Variants in DCDC1 observed in about 807,000 individuals in gnomAD.
DCDC1 encodes doublecortin domain containing 1.
DCDC1 carries 200 observed loss-of-function variants against 178.3 expected under a neutral mutation model. The observed-to-expected ratio is 1.12, with a 90% confidence interval of 1.00 to 1.26. The LOEUF is 1.26. DCDC1 is among the 50% of genes most tolerant of loss of function. The probability of loss-of-function intolerance (pLI) is 0.00; values close to 1 mark genes in which losing one functional copy is unlikely to be tolerated. For missense variants in DCDC1, 1,983 were observed against 1,749.2 expected (o/e 1.13, Z -2.38); for synonymous variants, 690 against 604.8 (o/e 1.14, Z -2.07).
At chr11:31,188,850 A>G (rs1006808819) in intron 9 of DCDC1, among the ~76,000 whole-genome samples, 4 of 152,180 alleles carry the variant, frequency 2.6e-5, no homozygotes, top group Admixed American at 2.0e-4. Context: ...ATATGTTGAA[A>G]CCTAAATCCT....
intron 9 of DCDC1, among the ~76,000 whole-genome samples, chr11:31,141,687 A>G (rs1332845955): frequency 6.6e-6 from 1 of 152,202 alleles, no homozygotes; most frequent in African/African-American, 2.4e-5. Context: ...AAGTTTCCCA[A>G]TGGTCTGCTA....
chr11:31,044,613 A>C (rs767402155), intron 20 of DCDC1, among the ~76,000 whole-genome samples: 8 of 152,158 alleles, frequency 5.3e-5, no homozygotes, highest in Non-Finnish European at 1.0e-4. Flanking sequence ...AGCCAGCCAA[A>C]AAAAAGGGGA....
chr11:31,262,969 A>G (rs1464127643), intron 8 of DCDC1: 1 of 1,484,000 alleles, frequency 6.7e-7, no homozygotes, highest in African/African-American at 1.4e-5. Context: ...CAAGGCATGC[A>G]TTAAAATGTG....
intron 10 of DCDC1, among the ~76,000 whole-genome samples, chr11:31,135,494 T>TA (rs1210505979): frequency 6.6e-6 from 1 of 152,202 alleles, no homozygotes; most frequent in Non-Finnish European, 1.5e-5. Flanking sequence ...AGGACTTTTC[T>TA]AAAAAGAGTC....
At chr11:30,903,301 T>C (rs1210644157) in intron 32 of DCDC1, among the ~76,000 whole-genome samples, 181 bp downstream of exon 32, 2 of 152,216 alleles carry the variant, frequency 1.3e-5, no homozygotes, top group Non-Finnish European at 2.9e-5. Flanking sequence ...ATTTTTAACT[T>C]TTCTTATAAT....
chr11:31,212,033 A>C (rs2136538095), intron 9 of DCDC1, among the ~76,000 whole-genome samples: 1 of 151,666 alleles, frequency 6.6e-6, no homozygotes, highest in South Asian at 2.1e-4. Flanking sequence ...CAGTGAGCCA[A>C]GATCGCGCCA....
intron 20 of DCDC1, among the ~76,000 whole-genome samples, chr11:31,029,981 T>C (rs1356027548): frequency 6.6e-6 from 1 of 152,120 alleles, no homozygotes; most frequent in African/African-American, 2.4e-5. Context: ...ATTTTCATAA[T>C]ATACACAGTT....
chr11:30,983,769 A>G (rs553669417), intron 20 of DCDC1, among the ~76,000 whole-genome samples: 23 of 152,164 alleles, frequency 1.5e-4, no homozygotes, highest in Non-Finnish European at 3.2e-4. Flanking sequence ...TTTTGTGTAC[A>G]TTACTCAGTT....
chr11:30,871,141 TA>T (rs1381480239), intron 38 of DCDC1, among the ~76,000 whole-genome samples: 1 of 151,890 alleles, frequency 6.6e-6, no homozygotes, highest in African/African-American at 2.4e-5. Flanking sequence ...GAAGCCAAAA[TA>T]AATATAAAGA....
chr11:31,036,168 G>T (rs955588488), intron 20 of DCDC1, among the ~76,000 whole-genome samples: 2 of 152,124 alleles, frequency 1.3e-5, no homozygotes, highest in African/African-American at 4.8e-5. Context: ...CTTCAAGACT[G>T]ATCTTGTATC....
intron 18 of DCDC1, among the ~76,000 whole-genome samples, chr11:31,071,372 AT>A (rs1403792494): frequency 6.6e-6 from 1 of 152,194 alleles, no homozygotes; most frequent in Non-Finnish European, 1.5e-5. Flanking sequence ...CAAACTATTG[AT>A]TAATTTCTTG....
intron 12 of DCDC1, 24 bp from the exon 13 acceptor site, chr11:31,106,984 A>G: frequency 1.3e-6 from 1 of 743,166 alleles, no homozygotes; most frequent in Non-Finnish European, 2.4e-6. Flanking sequence ...AGAGGGGCAG[A>G]GGGGATAGAG....
intron 20 of DCDC1, among the ~76,000 whole-genome samples, chr11:30,990,631 T>G (rs576099106): frequency 6.6e-6 from 1 of 152,334 alleles, no homozygotes; most frequent in African/African-American, 2.4e-5. Context: ...TGCAGCTATT[T>G]GTTAGGTGAC....
At chr11:30,929,223 C>T (rs1946776107) in intron 22 of DCDC1, among the ~76,000 whole-genome samples, 1 of 152,050 alleles carries the variant, frequency 6.6e-6, no homozygotes, top group African/African-American at 2.4e-5. Context: ...TTCATCAGAA[C>T]ACAATGATCT....
At chr11:31,053,290 G>T (rs1259875956) in intron 20 of DCDC1, among the ~76,000 whole-genome samples, 1 of 152,038 alleles carries the variant, frequency 6.6e-6, no homozygotes, top group East Asian at 1.9e-4. Flanking sequence ...GCTAGAATTA[G>T]ATACCCTGAA....
intron 6 of DCDC1, among the ~76,000 whole-genome samples, chr11:31,295,137 C>T (rs1438520392): frequency 3.3e-5 from 5 of 152,178 alleles, no homozygotes; most frequent in Non-Finnish European, 7.3e-5. Context: ...CTACACACAT[C>T]CCCCTGTGTA....
At chr11:31,294,796 GAAAAAGAAAGAAAGAA>G (rs1369130561) in intron 6 of DCDC1, among the ~76,000 whole-genome samples, 29 of 118,486 alleles carry the variant, frequency 2.4e-4, no homozygotes, top group Non-Finnish European at 3.3e-4. Context: ...GAAAAATAAA[GAAAAAGAAAGAAAGAA>G]AGAAAGAAAG....
chr11:31,157,396 T>TAC (rs796603579), intron 9 of DCDC1, among the ~76,000 whole-genome samples: 22 of 141,002 alleles, frequency 1.6e-4, no homozygotes, highest in East Asian at 6.2e-4. Context: ...TACATATATA[T>TAC]ACACACACAC....
At chr11:31,329,552 C>T (rs1023769195) in intron 2 of DCDC1, among the ~76,000 whole-genome samples, 4 of 152,070 alleles carry the variant, frequency 2.6e-5, no homozygotes, top group Non-Finnish European at 5.9e-5. Flanking sequence ...CCAGCCCTGC[C>T]CCCCACCCCA....
Sources: gnomAD v4.1 joint callset for allele counts (sites outside exome capture counted in the v4.1 genomes callset) on GRCh38, gnomAD v4.1.1 for gene constraint, MANE v1.5 for transcripts, NCBI Gene and HGNC (gene_info 2026-07-23, HGNC 2026-07-21) for gene names.